PLG: variants seen among roughly 807,000 people sequenced by gnomAD.
The protein encoded by PLG is plasmin.
PLG carries 41 observed loss-of-function variants against 104.4 expected under a neutral mutation model. That is an observed-to-expected ratio of 0.39 (90% CI 0.31 to 0.51). PLG has a LOEUF of 0.51. PLG is among the 20% of genes least tolerant of loss of function. The pLI, the probability that PLG is intolerant of heterozygous loss-of-function variation, is 0.76. For missense variants in PLG, 891 were observed against 1,003.6 expected, an observed-to-expected ratio of 0.89 and a Z score of 1.52; for synonymous variants, 337 against 357.1, an observed-to-expected ratio of 0.94 and a Z score of 0.63.
chr6:160,709,893 TG>T (rs1305693781), intron 3 of PLG, among the ~76,000 whole-genome samples: 1 of 152,246 alleles, frequency 6.6e-6, no homozygotes, highest in Admixed American at 6.5e-5. Flanking sequence ...CCTTAAATGA[TG>T]GTGTAAATAT....
chr6:160,739,215 GTTCACCTGTGGTCTTCACCC>G lies in PLG; in HGVS notation c.2018+8_2018+27del. 1.2e-6 allele frequency: 2 copies of G among 1,614,060 alleles called. No homozygotes were observed. The highest frequency in any genetic ancestry group is 1.7e-6 in the Non-Finnish European group (2 of 1,179,980). On this transcript the variant is annotated splice_region_variant and intron_variant, in intron 16 of 18. Coordinates refer to ENST00000308192, the MANE Select transcript of PLG (RefSeq NM_000301.5). The surrounding 1 kb of genome is among the most constrained non-coding windows in gnomAD (Gnocchi z 4.4). ...CCTTGCTAAAGCTAAGCAGGTACTCGTTCACCTGTGGTCTTCACCCCACGCTGGTGAAGATATTTGCTTTA... is the reference window on the plus strand; with the variant it reads ...CCTTGCTAAAGCTAAGCAGGTACTCGCACGCTGGTGAAGATATTTGCTTTA...
In PLG at chr6:160,706,444, G is replaced by A. The variant is rs768527258; in HGVS notation, c.87G>A (p.Gln29=). 1.9e-6 allele frequency: 3 copies of A among 1,613,498 alleles called. No individual in the cohort carries two copies. The highest frequency in any genetic ancestry group is 2.2e-5 in the South Asian group (2 of 91,048). Residue 29 remains glutamine (Q), a synonymous_variant, in exon 2 of 19, where the codon CAG becomes CAA. Coordinates refer to ENST00000308192, the MANE Select transcript of PLG (RefSeq NM_000301.5). ...GEPLDDYVNT[Q]GASLFSVTKK... ...CTCTGGATGACTATGTGAATACCCA[G>A]GGGGCTTCACTGTTCAGTGTCACTA...
intron 10 of PLG, among the ~76,000 whole-genome samples, chr6:160,722,970 G>T (rs988942145): frequency 1.3e-5 from 2 of 151,064 alleles, no homozygotes; most frequent in Admixed American, 1.3e-4. Flanking sequence ...TTTTGTCTTG[G>T]GTCACAAGTA....
At position 160,719,555 on chromosome 6, in the gene PLG, G is replaced by A. The variant is rs978449693; in HGVS notation, c.1096+717G>A. 1.3e-5 allele frequency among the ~76,000 whole-genome samples: 2 copies of A among 152,120 alleles called. No individual in the cohort carries two copies. Among genetic ancestry groups the A allele is most frequent in the African/African-American group, 2.4e-5 (1 of 41,422 alleles). On this transcript the variant is annotated intron_variant, in intron 9 of 18. Coordinates refer to ENST00000308192, the MANE Select transcript of PLG (RefSeq NM_000301.5). The surrounding 1 kb of genome is among the most constrained non-coding windows in gnomAD (Gnocchi z 4.1). Reference sequence around the variant, plus strand: ...GAGTTGAATTTACATCTACCATCAAGTTAGTTATTTCTCTTTGTCCCATTT... The same window carrying A: ...GAGTTGAATTTACATCTACCATCAAATTAGTTATTTCTCTTTGTCCCATTT...
rs1777641879 is a variant in PLG at position 160,711,519 on chromosome 6, G to A, written c.407+328G>A. The stretch of plus-strand genomic sequence containing the variant: ...TGGATCTGGAACCCATGGATACAGA[G>A]GGCCAACTGTATTTAGGATAATTTC... On this transcript the variant is annotated intron_variant, in intron 4 of 18. Coordinates refer to ENST00000308192, the MANE Select transcript of PLG (RefSeq NM_000301.5). The A allele has an allele frequency of 5.2e-6, 8 of 1,543,198 alleles. No homozygotes were observed. The South Asian group carries it at 6.0e-5, about 11-fold the overall frequency.
intron 2 of PLG, 122 bp from the exon 3 acceptor site, chr6:160,707,578 A>C: frequency 9.5e-7 from 1 of 1,047,446 alleles, no homozygotes; most frequent in Non-Finnish European, 1.5e-6. Context: ...AGAGGCAGCA[A>C]TTCTGAGCTC....
Position 160,706,505 on chromosome 6 carries a change from G to T in PLG, c.148G>T (p.Ala50Ser). The part of the protein sequence containing the change: ...QLGAGSIEEC[A>S]AKCEEDEEFT... ...GGGAGCAGGAAGTATAGAAGAATGT[G>T]CAGCAAAATGTGAGGAGGACGAAGA... Residue 50 changes from alanine to serine, a missense_variant, in exon 2 of 19, where the codon GCA becomes TCA. This residue lies in a region of PLG where 854 missense variants were observed against 932.1 expected (regional missense o/e 0.92). Coordinates refer to ENST00000308192, the MANE Select transcript of PLG (RefSeq NM_000301.5). 6.2e-7 allele frequency: 1 copy of T among 1,613,888 alleles called. No individual in the cohort carries two copies. Among genetic ancestry groups the T allele is most frequent in the Middle Eastern group, 1.7e-4 (1 of 6,046 alleles).
intron 17 of PLG, among the ~76,000 whole-genome samples, chr6:160,743,595 T>C (rs1484256916): frequency 6.6e-6 from 1 of 152,210 alleles, no homozygotes; most frequent in Non-Finnish European, 1.5e-5. Flanking sequence ...TAGAGTCATG[T>C]CATCTGCCAA....
At position 160,739,334 on chromosome 6, in the gene PLG, G is replaced by A. The variant is rs982398611; in HGVS notation, c.2018+126G>A. On this transcript the variant is annotated intron_variant, in intron 16 of 18. Transcript: ENST00000308192. This position sits in a 1 kb window ranked among gnomAD's most constrained non-coding sequence, Gnocchi z 4.4. ...TGTCTATCACATGAAAGGCTCAAGG[G>A]CTTTGGGGACAGCATCAATCTTCAA... The A allele has an allele frequency of 9.9e-5, 124 of 1,252,830 alleles. 1 individual carries two copies. The Admixed American group carries it at 2.1e-3, about 22-fold the overall frequency. The allele number at this position is 1,252,830 out of a possible 1,614,324, so 77.6% of individuals were successfully genotyped here.
chr6:160,702,238 T>A (rs1777430142), upstream of PLG: 2 of 1,589,394 alleles, frequency 1.3e-6, no homozygotes, highest in Admixed American at 1.7e-5. Flanking sequence ...ATGCGTTTAC[T>A]CTCATGTAAG....
At chr6:160,717,254 A>G (rs936808939) in intron 7 of PLG, among the ~76,000 whole-genome samples, 1 of 152,148 alleles carries the variant, frequency 6.6e-6, no homozygotes, top group African/African-American at 2.4e-5. Flanking sequence ...GAAATGGCAG[A>G]CCTAGTAGAA....
intron 17 of PLG, among the ~76,000 whole-genome samples, chr6:160,749,733 A>G (rs1209388088): frequency 6.6e-6 from 1 of 151,436 alleles, no homozygotes; most frequent in East Asian, 1.9e-4. Context: ...CATTAGCATT[A>G]TCATTACCAC....
rs1411706662 is a variant in PLG at position 160,734,632 on chromosome 6, G to C, written c.1681+544G>C. On this transcript the variant is annotated intron_variant, in intron 13 of 18. Transcript: ENST00000308192. The surrounding 1 kb of genome is among the most constrained non-coding windows in gnomAD (Gnocchi z 4.4). ...ACATAGCTTAGAGACTGCTTGTTGG[G>C]TTCCATCCTCATTGCTCTGAGACTC... Among the ~76,000 whole-genome samples the C allele has an allele frequency of 4.0e-5, 6 of 151,658 alleles. No homozygotes were observed. Among genetic ancestry groups the C allele is most frequent in the Non-Finnish European group, 8.8e-5 (6 of 67,984 alleles).
At chr6:160,730,504 T>A (rs1212093796) in intron 10 of PLG, among the ~76,000 whole-genome samples, 1 of 152,234 alleles carries the variant, frequency 6.6e-6, no homozygotes, top group East Asian at 1.9e-4. Context: ...TTTTTCATAG[T>A]AAAAGTAGAT....
At chr6:160,730,424 C>G (rs4252122) in intron 10 of PLG, among the ~76,000 whole-genome samples, 1 of 152,152 alleles carries the variant, frequency 6.6e-6, no homozygotes, top group African/African-American at 2.4e-5. Flanking sequence ...GGCTTTGATA[C>G]GTCTTGCAGA....
At position 160,731,903 on chromosome 6, in the gene PLG, T is replaced by C; in HGVS notation, c.1587+10T>C. The C allele has an allele frequency of 6.2e-7, 1 of 1,613,854 alleles. No individual in the cohort carries two copies. Among genetic ancestry groups the C allele is most frequent in the Non-Finnish European group, 8.5e-7 (1 of 1,179,790 alleles). On this transcript the variant is annotated intron_variant, in intron 12 of 18. Transcript: ENST00000308192. This position sits in a 1 kb window ranked among gnomAD's most constrained non-coding sequence, Gnocchi z 5.1. ...GGGTCTGGAAAAAAATGTAAGCCAC[T>C]TTGATTTGGACTCTTTGGCCTTTTG... is the stretch of plus-strand genomic sequence containing the variant.
intron 2 of PLG, 26 bp downstream of exon 2, chr6:160,706,568 G>T (rs201728206): frequency 1.2e-6 from 2 of 1,605,964 alleles, no homozygotes; most frequent in South Asian, 1.1e-5. Context: ...TTGCACCTAC[G>T]CAGGAATCTG....
Position 160,739,178 on chromosome 6 carries a change from G to A in PLG, c.1988G>A (p.Arg663Gln), listed in dbSNP as rs576737789. Reference protein sequence around the residue: ...EVSRLFLEPTRKDIALLKLSS... With the variant: ...EVSRLFLEPTQKDIALLKLSS... Reference sequence around the variant, plus strand: ...TCTAGGCTGTTCTTGGAGCCCACACGAAAAGATATTGCCTTGCTAAAGCTA... The same window carrying A: ...TCTAGGCTGTTCTTGGAGCCCACACAAAAAGATATTGCCTTGCTAAAGCTA... The change falls in exon 16 of 19, where the codon CGA becomes CAA. Residue 663 changes from arginine to glutamine, a missense_variant. By Grantham distance (43) the Arg-to-Gln change is conservative. Coordinates refer to ENST00000308192, the MANE Select transcript of PLG (RefSeq NM_000301.5). This position sits in a 1 kb window ranked among gnomAD's most constrained non-coding sequence, Gnocchi z 4.4. 16 of 1,614,004 alleles carry A rather than the reference G, an allele frequency of 9.9e-6. No homozygotes were observed. Among genetic ancestry groups the A allele is most frequent in the African/African-American group, 1.3e-5 (1 of 74,898 alleles).
intron 6 of PLG, 97 bp downstream of exon 6, chr6:160,715,011 A>T: frequency 8.2e-7 from 1 of 1,223,118 alleles, no homozygotes; most frequent in South Asian, 1.2e-5. Flanking sequence ...TTCCTCAAGA[A>T]GTGAACGCCT....
Sources: gnomAD v4.1 joint callset for allele counts (sites outside exome capture counted in the v4.1 genomes callset) on GRCh38, gnomAD v4.1.1 for gene constraint, gnomAD v4.1.1 regional missense constraint, Gnocchi (gnomAD v3.1) non-coding constraint, MANE v1.5 for transcripts, NCBI Gene and HGNC (gene_info 2026-07-23, HGNC 2026-07-21) for gene names.